CNOT1: variants seen among roughly 807,000 people sequenced by gnomAD.
CNOT1 encodes the protein CCR4-NOT transcription complex subunit 1.
Under a neutral mutation model 273.8 loss-of-function variants are expected in CNOT1, and 15 were observed. The observed-to-expected ratio is 0.05, with a 90% CI of 0.04 to 0.08. The LOEUF (loss-of-function observed/expected upper bound fraction) is 0.08. CNOT1 is among the 10% of genes least tolerant of loss of function. The pLI, the probability that CNOT1 is intolerant of heterozygous loss-of-function variation, is 1.00. For synonymous variants in CNOT1, 1,022 were observed against 1,005.5 expected (o/e 1.02, Z -0.31); for missense variants, 1,644 against 2,912.2 (o/e 0.56, Z 10.02).
intron 16 of CNOT1, among the ~76,000 whole-genome samples, chr16:58,565,782 A>G (rs1002981754): frequency 2.0e-5 from 3 of 152,180 alleles, no homozygotes; most frequent in African/African-American, 7.2e-5. Flanking sequence ...CATCTCTACC[A>G]AAAATACAAA....
intron 1 of CNOT1, among the ~76,000 whole-genome samples, chr16:58,621,029 C>CT (rs2043292083): frequency 1.4e-5 from 2 of 142,928 alleles, no homozygotes; most frequent in South Asian, 2.2e-4. Flanking sequence ...TTTTTTTTTT[C>CT]TTTTTTTTGA....
At chr16:58,553,101 C>T (rs935567133) in intron 22 of CNOT1, among the ~76,000 whole-genome samples, 1 of 151,966 alleles carries the variant, frequency 6.6e-6, no homozygotes, top group Non-Finnish European at 1.5e-5. Context: ...GTTGAAACCT[C>T]GTCTCTACAA....
At chr16:58,595,420 CAAAAAAA>C (rs57122392) in intron 2 of CNOT1, among the ~76,000 whole-genome samples, 2 of 102,938 alleles carry the variant, frequency 1.9e-5, no homozygotes, top group Non-Finnish European at 3.8e-5. Flanking sequence ...TTTTCCATCT[CAAAAAAA>C]AAAAAAAAAA....
chr16:58,567,122 T>G (rs1329647796), intron 16 of CNOT1, among the ~76,000 whole-genome samples: 1 of 151,794 alleles, frequency 6.6e-6, no homozygotes, highest in East Asian at 1.9e-4. Context: ...GAACATGCAC[T>G]GTACTTCAGA....
chr16:58,522,553 A>G (rs1396950530), intron 47 of CNOT1, among the ~76,000 whole-genome samples: 10 of 143,174 alleles, frequency 7.0e-5, no homozygotes, highest in Non-Finnish European at 1.5e-4. Flanking sequence ...CCCAATTTTT[A>G]AAGTGTGTGT....
chr16:58,580,694 T>A lies in CNOT1; in HGVS notation c.1282A>T (p.Thr428Ser). 3.7e-6 allele frequency: 6 copies of A among 1,613,580 alleles called. No homozygotes were observed. Among genetic ancestry groups the A allele is most frequent in the Non-Finnish European group, 5.1e-6 (6 of 1,179,744 alleles). The change falls in exon 12 of 49, where the codon ACT becomes TCT. Residue 428 changes from threonine (T) to serine (S), a missense_variant. This residue lies in a region of CNOT1 where 706 missense variants were observed against 1,021.2 expected (regional missense o/e 0.69). Coordinates refer to ENST00000317147, the MANE Select transcript of CNOT1 (RefSeq NM_016284.5). ...IFCFADYPCH[T>S]VATDILKAPP... is the part of the protein sequence containing the mutation. ...GCTTTCAGAATATCAGTGGCAACAG[T>A]ATGACAGGGATAGTCAGCAAAACAG...
intron 2 of CNOT1, among the ~76,000 whole-genome samples, chr16:58,591,856 C>G (rs1383243729): frequency 6.6e-6 from 1 of 151,740 alleles, no homozygotes; most frequent in Non-Finnish European, 1.5e-5. Flanking sequence ...TTCTTTAGGT[C>G]AAATAGTGCC....
chr16:58,577,870 G>A (rs1308938566), intron 13 of CNOT1, among the ~76,000 whole-genome samples: 1 of 151,166 alleles, frequency 6.6e-6, no homozygotes, highest in Non-Finnish European at 1.5e-5. Context: ...AAGTAGGGGA[G>A]GGAAAAAAAT....
chr16:58,542,220 C>G lies in CNOT1; in HGVS notation c.4680+11G>C, dbSNP rs759450285. On this transcript the variant is annotated intron_variant, in intron 33 of 48. Coordinates refer to ENST00000317147, the MANE Select transcript of CNOT1 (RefSeq NM_016284.5). ...AGATGGGACGGGGAAAGACAGAGCC[C>G]CAATTCTCACTTTCAGCCTGATTTG... The G allele has an allele frequency of 1.1e-5, 17 of 1,612,856 alleles. No individual in the cohort carries two copies. Among genetic ancestry groups the G allele is most frequent in the Non-Finnish European group, 1.4e-5 (16 of 1,179,776 alleles).
intron 47 of CNOT1, 97 bp downstream of exon 47, chr16:58,523,273 G>A (rs1026721277): frequency 2.3e-6 from 3 of 1,320,776 alleles, no homozygotes; most frequent in East Asian, 2.4e-5. Context: ...CCAACCAAAC[G>A]GATTTTCACT....
intron 34 of CNOT1, among the ~76,000 whole-genome samples, chr16:58,540,301 G>A (rs1478095815): frequency 6.6e-6 from 1 of 152,200 alleles, no homozygotes; most frequent in African/African-American, 2.4e-5. Flanking sequence ...TATATCCTAA[G>A]AAAGTAAGTG....
At chr16:58,565,888 C>T (rs533513369) in intron 16 of CNOT1, among the ~76,000 whole-genome samples, 25 of 150,888 alleles carry the variant, frequency 1.7e-4, no homozygotes, top group Non-Finnish European at 2.2e-4. Context: ...TGTAGTGAGC[C>T]GAGTTCGCAC....
At chr16:58,585,627 T>C in intron 7 of CNOT1, 121 bp from the exon 8 acceptor site, 1 of 1,432,974 alleles carries the variant, frequency 7.0e-7, no homozygotes, top group South Asian at 1.6e-5. Flanking sequence ...GCCAAGCTTA[T>C]TTCATTTTTC....
At chr16:58,522,557 T>A (rs919835343) in intron 47 of CNOT1, among the ~76,000 whole-genome samples, 9 of 151,688 alleles carry the variant, frequency 5.9e-5, no homozygotes, top group Non-Finnish European at 1.0e-4. Context: ...ATTTTTAAAG[T>A]GTGTGTGTGT....
At chr16:58,570,208 C>A (rs1325640160) in intron 16 of CNOT1, among the ~76,000 whole-genome samples, 1 of 152,184 alleles carries the variant, frequency 6.6e-6, no homozygotes, top group Non-Finnish European at 1.5e-5. Flanking sequence ...TCATTGCTAG[C>A]AGTCCTGCTG....
intron 1 of CNOT1, among the ~76,000 whole-genome samples, chr16:58,611,108 A>C (rs2152033791): frequency 6.6e-6 from 1 of 152,130 alleles, no homozygotes; most frequent in East Asian, 1.9e-4. Flanking sequence ...ACTGCTAGAG[A>C]AAAGGAGTAC....
chr16:58,601,766 G>C (rs2042475864), intron 1 of CNOT1, among the ~76,000 whole-genome samples: 1 of 96,100 alleles, frequency 1.0e-5, no homozygotes, highest in East Asian at 2.1e-4. Context: ...CCTGTGCACG[G>C]TGGCAAACAC....
chr16:58,582,817 G>A lies in CNOT1; in HGVS notation c.1020C>T (p.Val340=). ...CCAGTTCTTTAAGAACGTCAATCAA[G>A]ACTTCTACATTCCATGTGTGTGCCT... ...GAQAHTWNVE[V]LIDVLKELNP... is the part of the protein sequence containing the mutation. The change falls in exon 10 of 49, where the codon GTC becomes GTT. Residue 340 remains valine (V), a synonymous_variant. Coordinates refer to ENST00000317147, the MANE Select transcript of CNOT1 (RefSeq NM_016284.5). 1 of 1,513,208 alleles carries A rather than the reference G, an allele frequency of 6.6e-7. No individual in the cohort carries two copies. The highest frequency in any genetic ancestry group is 1.7e-4 in the Middle Eastern group (1 of 5,854). 93.7% of individuals were successfully genotyped at this position (1,513,208 alleles called of 1,614,324 possible). A position where few individuals can be genotyped will look rare whatever the true frequency, so the allele number is the denominator to read the frequency against.
At chr16:58,572,438 T>C (rs372956519) in intron 16 of CNOT1, among the ~76,000 whole-genome samples, 5 of 151,932 alleles carry the variant, frequency 3.3e-5, no homozygotes, top group Non-Finnish European at 7.4e-5. Context: ...AGTTCAACAC[T>C]AGCCTGGGCA....
Sources: allele counts gnomAD v4.1 joint callset (sites outside exome capture counted in the v4.1 genomes callset), GRCh38; gene constraint gnomAD v4.1.1; regional missense constraint gnomAD v4.1.1; transcripts MANE v1.5; gene names NCBI Gene and HGNC (gene_info 2026-07-23, HGNC 2026-07-21).